NOS2: variants seen among roughly 807,000 people sequenced by gnomAD.
The protein encoded by NOS2 is nitric oxide synthase, inducible.
NOS2 carries 96 observed loss-of-function variants against 136.0 expected under a neutral mutation model. The ratio of observed to expected loss-of-function variants is 0.71; its 90% CI spans 0.60 to 0.84. The LOEUF is 0.84. Ranked by LOEUF, NOS2 falls within the 40% of genes least tolerant of loss-of-function variation. The pLI, the probability that NOS2 is intolerant of heterozygous loss-of-function variation, is 0.00. For missense variants in NOS2, 1,237 were observed against 1,496.9 expected, an observed-to-expected ratio of 0.83 and a Z score of 2.87; for synonymous variants, 539 against 587.5, an observed-to-expected ratio of 0.92 and a Z score of 1.20.
chr17:27,774,147 C>T, intron 12 of NOS2, 110 bp downstream of exon 12: 1 of 767,016 alleles, frequency 1.3e-6, no homozygotes, highest in South Asian at 4.4e-5. Context: ...TAACAACATA[C>T]TCCTGCTTCC....
chr17:27,780,898 G>C lies in NOS2; in HGVS notation c.873C>G (p.Ile291Met). 6.2e-7 allele frequency: 1 copy of C among 1,612,838 alleles called. No homozygotes were observed. Among genetic ancestry groups the C allele is most frequent in the African/African-American group, 1.3e-5 (1 of 75,028 alleles). Residue 291 changes from isoleucine to methionine, a missense_variant, in exon 9 of 27, where the codon ATC becomes ATG. Ile to Met is a conservative substitution (Grantham distance 10). Around this residue, in one of 3 missense-constraint regions of NOS2, gnomAD observed 440 missense variants for 545.4 expected, o/e 0.81. Coordinates refer to ENST00000313735, the MANE Select transcript of NOS2 (RefSeq NM_000625.4). ...CGTACTTGGGCTTCCAGCCCAGGTCGATGCACAGCTGGGGAACAAGACGGG... is the reference window on the plus strand; with the variant it reads ...CGTACTTGGGCTTCCAGCCCAGGTCCATGCACAGCTGGGGAACAAGACGGG... ...PANVEFTQLCIDLGWKPKYGR... is the reference protein window; with the variant it reads ...PANVEFTQLCMDLGWKPKYGR...
chr17:27,769,463 G>A, intron 16 of NOS2, 72 bp downstream of exon 16: 1 of 1,335,066 alleles, frequency 7.5e-7, no homozygotes, highest in East Asian at 2.3e-5. Context: ...TGCACACCCA[G>A]TTCCATCCCC....
At chr17:27,799,384 ACT>A (rs957324747) in intron 1 of NOS2, among the ~76,000 whole-genome samples, 5 of 152,226 alleles carry the variant, frequency 3.3e-5, no homozygotes, top group African/African-American at 1.2e-4. Context: ...TGTTGTTCTA[ACT>A]CAGCATTATT....
intron 17 of NOS2, among the ~76,000 whole-genome samples, chr17:27,768,739 G>A (rs1908392112): frequency 6.6e-6 from 1 of 152,208 alleles, no homozygotes; most frequent in African/African-American, 2.4e-5. Flanking sequence ...GGGCAGGGGG[G>A]TATCTGTGCC....
chr17:27,777,277 G>A (rs924579161), intron 11 of NOS2, among the ~76,000 whole-genome samples: 19 of 152,248 alleles, frequency 1.2e-4, no homozygotes, highest in South Asian at 2.1e-4. Context: ...ATGAATGAAT[G>A]ACTGACCAGT....
At chr17:27,770,505 TAAAC>T (rs1567636068) in intron 15 of NOS2, among the ~76,000 whole-genome samples, 1 of 151,260 alleles carries the variant, frequency 6.6e-6, no homozygotes, top group Non-Finnish European at 1.5e-5. Context: ...AATAAATAAA[TAAAC>T]AAACAAACAC....
chr17:27,776,120 C>T (rs1224769391), intron 11 of NOS2, among the ~76,000 whole-genome samples: 3 of 152,082 alleles, frequency 2.0e-5, no homozygotes, highest in African/African-American at 4.8e-5. Flanking sequence ...GGGAGCAGCT[C>T]CTGAGAGGAA....
At chr17:27,763,827 G>A (rs544933812) in intron 21 of NOS2, among the ~76,000 whole-genome samples, 154 bp downstream of exon 21, 31 of 151,722 alleles carry the variant, frequency 2.0e-4, no homozygotes, top group East Asian at 5.9e-4. Flanking sequence ...ATGGGCCAGC[G>A]GACGATGCCT....
At chr17:27,781,889 T>G (rs1157857712) in intron 7 of NOS2, 126 bp downstream of exon 7, 1 of 804,436 alleles carries the variant, frequency 1.2e-6, no homozygotes, top group Non-Finnish European at 2.1e-6. Context: ...AGTCTTTCTC[T>G]TTTTTCTTTC....
At chr17:27,779,525 A>G (rs1346319075) in intron 9 of NOS2, among the ~76,000 whole-genome samples, 1 of 152,032 alleles carries the variant, frequency 6.6e-6, no homozygotes, top group African/African-American at 2.4e-5. Context: ...GAAAGAGTCA[A>G]ACAAGAAAAC....
At chr17:27,777,228 T>C (rs1280690465) in intron 11 of NOS2, among the ~76,000 whole-genome samples, 1 of 152,248 alleles carries the variant, frequency 6.6e-6, no homozygotes, top group Non-Finnish European at 1.5e-5. Flanking sequence ...CCCAGCCTAG[T>C]GCCCAGCACC....
chr17:27,797,219 C>T (rs1909380616), intron 2 of NOS2, among the ~76,000 whole-genome samples: 2 of 152,250 alleles, frequency 1.3e-5, no homozygotes, highest in Non-Finnish European at 2.9e-5. Context: ...GTCCACCTGA[C>T]TTCTGTGAAG....
chr17:27,791,776 ACAAAACAAAACAAAAC>A (rs1214961436), intron 2 of NOS2, among the ~76,000 whole-genome samples: 1 of 137,076 alleles, frequency 7.3e-6, no homozygotes, highest in African/African-American at 2.9e-5. Context: ...CCAGAAAAAA[ACAAAACAAAACAAAAC>A]AAAACAAAAC....
chr17:27,759,164 AG>A, intron 25 of NOS2, 89 bp from the exon 26 acceptor site: 4 of 860,606 alleles, frequency 4.6e-6, no homozygotes, highest in Non-Finnish European at 7.0e-6. Context: ...AGGCGGGGAG[AG>A]GGGCACTAAG....
chr17:27,787,745 T>C lies in NOS2; in HGVS notation c.400A>G (p.Thr134Ala). 1.2e-6 allele frequency: 2 copies of C among 1,613,750 alleles called. No homozygotes were observed. The highest frequency in any genetic ancestry group is 1.7e-6 in the Non-Finnish European group (2 of 1,179,814). Residue 134 changes from threonine to alanine, a missense_variant, in exon 5 of 27, where the codon ACC (threonine) becomes GCC (alanine). Thr to Ala is a moderately conservative substitution (Grantham distance 58). This residue lies in a region of NOS2 where 440 missense variants were observed against 545.4 expected (regional missense o/e 0.81). Coordinates refer to ENST00000313735, the MANE Select transcript of NOS2 (RefSeq NM_000625.4). ...TGAGGTAGAAGCTCATCTGGAGGGG[T>C]AGGCTTGTCCCTGGGTCCTCTGGTC... is the stretch of plus-strand genomic sequence containing the variant. ...SLTRGPRDKP[T>A]PPDELLPQAI...
chr17:27,776,756 T>TTAC (rs1908672675), intron 11 of NOS2, among the ~76,000 whole-genome samples: 1 of 152,020 alleles, frequency 6.6e-6, no homozygotes, highest in African/African-American at 2.4e-5. Flanking sequence ...AAATCATTGC[T>TTAC]TACTGAGTGT....
intron 2 of NOS2, among the ~76,000 whole-genome samples, chr17:27,797,365 G>A (rs562835832): frequency 3.9e-5 from 6 of 152,326 alleles, no homozygotes; most frequent in East Asian, 3.9e-4. Flanking sequence ...TTGCTCACAT[G>A]GGAAAGCTCA....
chr17:27,769,873 G>T (rs1298915421), intron 15 of NOS2, among the ~76,000 whole-genome samples: 1 of 152,198 alleles, frequency 6.6e-6, no homozygotes, highest in Non-Finnish European at 1.5e-5. Flanking sequence ...GGGCCTGCCT[G>T]GTAGCATGCC....
In NOS2 at chr17:27,758,877, A is replaced by G; in HGVS notation, c.3354+4T>C. The G allele has an allele frequency of 3.8e-6, 6 of 1,569,554 alleles. No homozygotes were observed. The highest frequency in any genetic ancestry group is 5.2e-6 in the Non-Finnish European group (6 of 1,157,392). ...ACCTTCAGCCCACACACCCACTACTATACCTTGAGCTGAAAGAAATAGTCC... is the reference window on the plus strand; with the variant it reads ...ACCTTCAGCCCACACACCCACTACTGTACCTTGAGCTGAAAGAAATAGTCC... On this transcript the variant is annotated splice_donor_region_variant and intron_variant, in intron 26 of 26. Coordinates refer to ENST00000313735, the MANE Select transcript of NOS2 (RefSeq NM_000625.4).
Sources: gnomAD v4.1 joint callset for allele counts (sites outside exome capture counted in the v4.1 genomes callset) on GRCh38, gnomAD v4.1.1 for gene constraint, gnomAD v4.1.1 regional missense constraint, MANE v1.5 for transcripts, NCBI Gene and HGNC (gene_info 2026-07-23, HGNC 2026-07-21) for gene names.